Variants in ERBB4 observed in about 807,000 individuals in gnomAD.
ERBB4 encodes erb-b2 receptor tyrosine kinase 4, also known as receptor tyrosine-protein kinase erbB-4.
A neutral mutation model predicts 158.0 loss-of-function variants in ERBB4; 42 were observed. The observed-to-expected ratio is 0.27, with a 90% CI of 0.21 to 0.34. The LOEUF (loss-of-function observed/expected upper bound fraction) is 0.34, where lower values mean the gene tolerates loss of function less well. Ranked by LOEUF, ERBB4 falls within the 10% of genes least tolerant of loss-of-function variation. ERBB4 has a pLI of 1.00. For missense variants in ERBB4, 1,333 were observed against 1,624.1 expected (o/e 0.82, Z 3.08); for synonymous variants, 583 against 558.7 (o/e 1.04, Z -0.61).
chr2:211,419,582 T>A (rs2063471924), intron 25 of ERBB4, among the ~76,000 whole-genome samples: 1 of 152,024 alleles, frequency 6.6e-6, no homozygotes, highest in Non-Finnish European at 1.5e-5. Flanking sequence ...ATTTACTACT[T>A]CTTCATGCTC....
chr2:211,855,138 G>T (rs2077823638), intron 3 of ERBB4, among the ~76,000 whole-genome samples: 1 of 152,022 alleles, frequency 6.6e-6, no homozygotes, highest in South Asian at 2.1e-4. Context: ...TGGGTCTTTG[G>T]ATATCTTCTG....
intron 25 of ERBB4, among the ~76,000 whole-genome samples, chr2:211,413,902 G>GCAC (rs1015167728): frequency 2.1e-4 from 32 of 151,698 alleles, no homozygotes; most frequent in Non-Finnish European, 4.3e-4. Context: ...TTGAATACTA[G>GCAC]CACCACCACA....
intron 3 of ERBB4, among the ~76,000 whole-genome samples, chr2:211,897,412 T>G (rs1384200276): frequency 6.6e-6 from 1 of 151,728 alleles, no homozygotes; most frequent in Non-Finnish European, 1.5e-5. Flanking sequence ...TCTTTTCATC[T>G]TCCTGTAAGA....
At chr2:212,338,406 C>T (rs574975984) in intron 1 of ERBB4, among the ~76,000 whole-genome samples, 9 of 152,194 alleles carry the variant, frequency 5.9e-5, no homozygotes, top group East Asian at 1.9e-4. Context: ...TACAAGGCAA[C>T]ATTAAATTGA....
chr2:211,689,391 G>A lies in ERBB4; in HGVS notation c.1490-10207C>T, dbSNP rs370537286. Among the ~76,000 whole-genome samples the A allele has an allele frequency of 1.4e-3, 212 of 152,176 alleles. 1 individual carries two copies. The highest frequency in any genetic ancestry group is 4.7e-3 in the African/African-American group (197 of 41,522). ...TTGTTGTTGTTTTTGTAGAGATGGA[G>A]TTTCACTACGTTGCCCAGGCTGGTC... is the stretch of plus-strand genomic sequence containing the variant. On this transcript the variant is annotated intron_variant, in intron 12 of 27. Coordinates refer to ENST00000342788, the MANE Select transcript of ERBB4 (RefSeq NM_005235.3).
chr2:212,226,461 C>T (rs1175344812), intron 1 of ERBB4, among the ~76,000 whole-genome samples: 1 of 151,596 alleles, frequency 6.6e-6, no homozygotes, highest in Admixed American at 6.6e-5. Context: ...CACAGTAATA[C>T]AAAACAAATA....
At chr2:212,111,878 CT>C (rs35564311) in intron 2 of ERBB4, among the ~76,000 whole-genome samples, 77,290 of 150,478 alleles carry the variant, frequency 0.51, 20,733 homozygotes, top group Non-Finnish European at 0.6. Flanking sequence ...ACTATACAAC[CT>C]TTTTTTTTTG....
chr2:212,202,995 AT>A (rs2082632163), intron 1 of ERBB4, among the ~76,000 whole-genome samples: 1 of 151,702 alleles, frequency 6.6e-6, no homozygotes, highest in Admixed American at 6.6e-5. Flanking sequence ...AACTTATTTT[AT>A]TTACATATAT....
intron 19 of ERBB4, among the ~76,000 whole-genome samples, chr2:211,596,565 C>T (rs1263098617): frequency 6.6e-6 from 1 of 151,954 alleles, no homozygotes; most frequent in African/African-American, 2.4e-5. Flanking sequence ...CCTAATAAAC[C>T]TCTGCATTCT....
At chr2:211,436,228 T>A (rs1273710008) in intron 20 of ERBB4, among the ~76,000 whole-genome samples, 2 of 152,102 alleles carry the variant, frequency 1.3e-5, no homozygotes, top group Non-Finnish European at 2.9e-5. Flanking sequence ...TGACATTTTT[T>A]AATTTATATT....
intron 13 of ERBB4, among the ~76,000 whole-genome samples, chr2:211,673,529 A>AAAAAAAAAAAAAAAAAAAAAAAAAAAAAC (rs2071932245): frequency 4.0e-5 from 6 of 149,952 alleles, no homozygotes; most frequent in South Asian, 2.1e-4. Context: ...AAAAAAAAAA[A>AAAAAAAAAAAAAAAAAAAAAAAAAAAAAC]AGCTACAAAG....
At chr2:212,387,597 T>C (rs768641143) in intron 1 of ERBB4, among the ~76,000 whole-genome samples, 1 of 152,082 alleles carries the variant, frequency 6.6e-6, no homozygotes, top group African/African-American at 2.4e-5. Flanking sequence ...TTTGTATTTT[T>C]AGTAGAGACG....
chr2:211,701,495 G>A (rs2073237946), intron 12 of ERBB4, among the ~76,000 whole-genome samples: 1 of 152,098 alleles, frequency 6.6e-6, no homozygotes, highest in Non-Finnish European at 1.5e-5. Context: ...GGTGGCTCAT[G>A]CCTGTAATCC....
At chr2:212,427,831 C>T (rs2091947383) in intron 1 of ERBB4, among the ~76,000 whole-genome samples, 1 of 152,054 alleles carries the variant, frequency 6.6e-6, no homozygotes, top group African/African-American at 2.4e-5. Context: ...AGTGCATTAG[C>T]AGCAGGCCAA....
chr2:212,122,134 A>T (rs996136753), intron 2 of ERBB4, among the ~76,000 whole-genome samples: 1 of 151,630 alleles, frequency 6.6e-6, no homozygotes, highest in Non-Finnish European at 1.5e-5. Flanking sequence ...AATTTATCAT[A>T]TATGTATATA....
At chr2:212,465,971 G>A (rs562830966) in intron 1 of ERBB4, among the ~76,000 whole-genome samples, 14 of 152,078 alleles carry the variant, frequency 9.2e-5, no homozygotes, top group East Asian at 5.8e-4. Flanking sequence ...GTGTTCTGAC[G>A]GCAAATAATA....
intron 2 of ERBB4, among the ~76,000 whole-genome samples, chr2:212,098,837 T>G (rs537041890): frequency 6.6e-6 from 1 of 152,118 alleles, no homozygotes; most frequent in African/African-American, 2.4e-5. Flanking sequence ...ATAGTTCAAA[T>G]GTACAATTAA....
chr2:211,695,223 G>A (rs10205553), intron 12 of ERBB4, among the ~76,000 whole-genome samples: 88,376 of 151,980 alleles, frequency 0.58, 26,768 homozygotes, highest in African/African-American at 0.7. Context: ...TCACTATAAA[G>A]TTGGATGATG....
chr2:212,278,234 A>G (rs1194401925), intron 1 of ERBB4, among the ~76,000 whole-genome samples: 2 of 151,754 alleles, frequency 1.3e-5, no homozygotes, highest in African/African-American at 4.8e-5. Context: ...GGTAGCTGCA[A>G]TCTGTAGAAA....
Sources: gnomAD v4.1 joint callset for allele counts (sites outside exome capture counted in the v4.1 genomes callset) on GRCh38, gnomAD v4.1.1 for gene constraint, MANE v1.5 for transcripts, NCBI Gene and HGNC (gene_info 2026-07-23, HGNC 2026-07-21) for gene names.